Variants in SULT1A1 observed in about 807,000 individuals in gnomAD.
SULT1A1 encodes sulfotransferase 1A1.
In SULT1A1, 35 loss-of-function variants were observed where a neutral mutation model predicts 36.8. The ratio of observed to expected loss-of-function variants is 0.95; its 90% confidence interval spans 0.73 to 1.26. The LOEUF (loss-of-function observed/expected upper bound fraction) is 1.26, where lower values mean the gene tolerates loss of function less well. SULT1A1 is among the 50% of genes most tolerant of loss of function. The pLI is 0.00. For missense variants in SULT1A1, 309 were observed against 383.0 expected, an observed-to-expected ratio of 0.81 and a Z score of 1.61; for synonymous variants, 119 against 146.0, an observed-to-expected ratio of 0.82 and a Z score of 1.33.
chr16:28,610,274 T>TG (rs1378226536), upstream of SULT1A1: 17 of 1,107,046 alleles, frequency 1.5e-5, no homozygotes, highest in African/African-American at 2.4e-4. Context: ...GTTTTTTTTT[T>TG]TTTTTTTTTT....
chr16:28,607,372 G>C lies in SULT1A1; in HGVS notation c.373-295C>G, dbSNP rs1354665280. On this transcript the variant is annotated intron_variant, in intron 4 of 7. Transcript: ENST00000314752. ...ATCCCACCGCCACCAAATTTTGTGG[G>C]CCTGTGAGGACCCACCCTCTAGCTT... The C allele has an allele frequency of 1.6e-5, 7 of 442,612 alleles. No individual in the cohort carries two copies. The East Asian group carries it at 3.2e-4, about 20-fold the overall frequency. 27.4% of individuals were successfully genotyped at this position (442,612 alleles called of 1,614,324 possible).
upstream of SULT1A1, chr16:28,610,248 T>C (rs1596641165): frequency 8.7e-7 from 1 of 1,154,076 alleles, no homozygotes; most frequent in Admixed American, 3.9e-5. Context: ...TTTGTTTTTG[T>C]AGGTTTTTTT....
In SULT1A1 at chr16:28,608,618, A is replaced by G. The variant is rs1411572660; in HGVS notation, c.149-15T>C. On this transcript the variant is annotated splice_polypyrimidine_tract_variant and intron_variant, in intron 2 of 7. Coordinates refer to ENST00000314752, the MANE Select transcript of SULT1A1 (RefSeq NM_001055.4). ...CCAGGTAGTGCCTGGAGAGGGAGGG[A>G]GATGGGAGGTGAGCAGGCTGAGGGC... 4 of 1,611,474 alleles carry G rather than the reference A, an allele frequency of 2.5e-6. No individual in the cohort carries two copies. Among genetic ancestry groups the G allele is most frequent in the Non-Finnish European group, 3.4e-6 (4 of 1,178,118 alleles).
chr16:28,608,256 G>A, intron 4 of SULT1A1, 35 bp downstream of exon 4: 1 of 1,609,868 alleles, frequency 6.2e-7, no homozygotes, highest in Non-Finnish European at 8.5e-7. Context: ...CAAAGTGCTG[G>A]GATTATGGAT....
At position 28,608,300 on chromosome 16, in the gene SULT1A1, C is replaced by T. The variant is rs1310472610; in HGVS notation, c.363G>A (p.Gln121=). The T allele has an allele frequency of 1.4e-5, 22 of 1,612,236 alleles. No individual in the cohort carries two copies. The highest frequency in any genetic ancestry group is 1.9e-5 in the Non-Finnish European group (22 of 1,178,648). Residue 121 remains glutamine, a synonymous_variant, in exon 4 of 8, where the codon CAG becomes CAA. Coordinates refer to ENST00000314752, the MANE Select transcript of SULT1A1 (RefSeq NM_001055.4). The part of the protein sequence containing the change: ...LALLPQTLLD[Q]KVKVVYVARN... ...CTGTGCCCTGCCTCACCTTGACCTTCTGATCCAACAGAGTCTGGGGGAGCA... is the reference window on the plus strand; with the variant it reads ...CTGTGCCCTGCCTCACCTTGACCTTTTGATCCAACAGAGTCTGGGGGAGCA...
At chr16:28,619,993 T>TTTG (rs1723162341) in intron 2 of SULT1A1, 3 of 1,120,316 alleles carry the variant, frequency 2.7e-6, no homozygotes, top group Admixed American at 2.1e-5. Context: ...GTATTGTATA[T>TTTG]TGTGTGTGTG....
upstream of SULT1A1, chr16:28,610,763 C>T (rs1410236527): frequency 6.5e-6 from 1 of 153,348 alleles, no homozygotes; most frequent in Admixed American, 6.5e-5. Context: ...GCTCCACAGA[C>T]AAGAGACCAG....
intron 1 of SULT1A1, chr16:28,623,037 C>A: frequency 2.0e-6 from 3 of 1,478,536 alleles, no homozygotes; most frequent in Non-Finnish European, 2.7e-6. Flanking sequence ...CAGGCTCCTG[C>A]AGCGCCCTCC....
At chr16:28,610,060 C>T (rs1367269142), upstream of SULT1A1, 2 of 1,278,878 alleles carry the variant, frequency 1.6e-6, no homozygotes, top group Admixed American at 4.7e-5. Context: ...GGATCTGGAG[C>T]CGGGGCTGGA....
At chr16:28,606,590 C>A (rs1335148703) in intron 6 of SULT1A1, among the ~76,000 whole-genome samples, 171 bp downstream of exon 6, 4 of 144,624 alleles carry the variant, frequency 2.8e-5, no homozygotes, top group Non-Finnish European at 6.2e-5. Context: ...CTGTGTGGGG[C>A]CCGCTGCCAG....
intron 1 of SULT1A1, chr16:28,620,150 C>A (rs759854204): frequency 2.5e-6 from 4 of 1,610,368 alleles, no homozygotes; most frequent in Non-Finnish European, 2.5e-6. Context: ...GCAAAAACAC[C>A]AAAAGAATTT....
At chr16:28,609,001 G>C in intron 1 of SULT1A1, 142 bp from the exon 2 acceptor site, 2 of 1,550,794 alleles carry the variant, frequency 1.3e-6, no homozygotes, top group South Asian at 1.2e-5. Context: ...TCAGTGGCGG[G>C]GCTGGGGCTG....
chr16:28,616,720 A>C (rs1475807221), intron 2 of SULT1A1, among the ~76,000 whole-genome samples: 1 of 151,862 alleles, frequency 6.6e-6, no homozygotes, highest in African/African-American at 2.4e-5. Context: ...ACCACACCCG[A>C]CGTACTTCAT....
upstream of SULT1A1, chr16:28,610,555 T>A: frequency 3.9e-6 from 1 of 255,318 alleles, no homozygotes; most frequent in South Asian, 3.9e-5. Context: ...GAGGGATGTG[T>A]GTGGGCAGAG....
chr16:28,606,291 A>G, intron 6 of SULT1A1, 55 bp from the exon 7 acceptor site: 21 of 1,611,078 alleles, frequency 1.3e-5, no homozygotes, highest in Non-Finnish European at 1.7e-5. Flanking sequence ...CAGGAAAAGT[A>G]AAAGGGGTCC....
At chr16:28,610,256 T>C (rs183194577), upstream of SULT1A1, 14,246 of 1,137,782 alleles carry the variant, frequency 0.013, 245 homozygotes, top group Middle Eastern at 0.031. Flanking sequence ...TGTAGGTTTT[T>C]TTTTTCTGTT....
chr16:28,617,355 C>T (rs2047565746), intron 2 of SULT1A1, among the ~76,000 whole-genome samples: 2 of 152,250 alleles, frequency 1.3e-5, no homozygotes, highest in East Asian at 1.9e-4. Context: ...CACACCTCCT[C>T]GCTGTGCTGA....
upstream of SULT1A1, chr16:28,610,260 T>TG: frequency 2.7e-6 from 3 of 1,107,924 alleles, no homozygotes; most frequent in Non-Finnish European, 3.5e-6. Flanking sequence ...GGTTTTTTTT[T>TG]TCTGTTTTTT....
At chr16:28,617,397 G>A (rs141830059) in intron 2 of SULT1A1, among the ~76,000 whole-genome samples, 168 of 152,240 alleles carry the variant, frequency 1.1e-3, no homozygotes, top group African/African-American at 3.7e-3. Flanking sequence ...ATTTCTCATC[G>A]AACTCTAGTT....
Sources: allele counts gnomAD v4.1 joint callset (sites outside exome capture counted in the v4.1 genomes callset), GRCh38; gene constraint gnomAD v4.1.1; transcripts MANE v1.5; gene names NCBI Gene and HGNC (gene_info 2026-07-23, HGNC 2026-07-21).